TAOK3: variants seen among roughly 807,000 people sequenced by gnomAD.
TAOK3 encodes the protein serine/threonine-protein kinase TAO3.
In TAOK3, 40 loss-of-function variants were observed where a neutral mutation model predicts 120.4. The observed-to-expected ratio is 0.33, with a 90% CI of 0.26 to 0.43. The LOEUF is 0.43. TAOK3 is among the 20% of genes least tolerant of loss of function. TAOK3 has a pLI of 1.00. For missense variants in TAOK3, 821 were observed against 1,112.1 expected (o/e 0.74, Z 3.72); for synonymous variants, 355 against 387.5 (o/e 0.92, Z 0.99).
At chr12:118,217,698 A>C (rs537696911) in intron 9 of TAOK3, among the ~76,000 whole-genome samples, 2 of 148,620 alleles carry the variant, frequency 1.3e-5, no homozygotes, top group African/African-American at 5.1e-5. Flanking sequence ...ATAAAAAATA[A>C]ATTAAAAAAA....
chr12:118,254,947 A>G (rs2040917986), intron 3 of TAOK3, among the ~76,000 whole-genome samples: 1 of 151,818 alleles, frequency 6.6e-6, no homozygotes, highest in Admixed American at 6.6e-5. Context: ...TATTTTTAGT[A>G]GAGACGGGGT....
intron 19 of TAOK3, among the ~76,000 whole-genome samples, chr12:118,156,063 T>G (rs1290495945): frequency 2.0e-5 from 3 of 152,188 alleles, no homozygotes; most frequent in Non-Finnish European, 4.4e-5. Context: ...ATTGAACGCT[T>G]GTTGTATGCC....
chr12:118,195,873 A>ACC (rs1274556501), intron 13 of TAOK3, among the ~76,000 whole-genome samples: 3 of 151,888 alleles, frequency 2.0e-5, no homozygotes, highest in African/African-American at 7.3e-5. Flanking sequence ...ACACGGTGAA[A>ACC]CCCTGTCTCT....
intron 1 of TAOK3, among the ~76,000 whole-genome samples, chr12:118,361,163 C>CG (rs1555262603): frequency 5.9e-5 from 9 of 152,082 alleles, no homozygotes; most frequent in Non-Finnish European, 1.3e-4. Context: ...ATAATGCCCC[C>CG]GTACTGAATT....
At chr12:118,244,527 C>CT (rs377072006) in intron 4 of TAOK3, among the ~76,000 whole-genome samples, 51,083 of 128,496 alleles carry the variant, frequency 0.4, 11,101 homozygotes, top group South Asian at 0.46. Flanking sequence ...TTTCTTTTTT[C>CT]TTTTTCTTTT....
intron 1 of TAOK3, among the ~76,000 whole-genome samples, chr12:118,285,394 C>T (rs748338043): frequency 1.3e-5 from 2 of 150,778 alleles, no homozygotes; most frequent in Non-Finnish European, 2.9e-5. Flanking sequence ...CTCTTGTCCC[C>T]CAGGCTGGAG....
intron 1 of TAOK3, among the ~76,000 whole-genome samples, chr12:118,363,243 A>G (rs1281441154): frequency 6.6e-6 from 1 of 152,098 alleles, no homozygotes; most frequent in African/African-American, 2.4e-5. Context: ...CAGGGTCACA[A>G]GTGAATTCTT....
intron 9 of TAOK3, among the ~76,000 whole-genome samples, chr12:118,222,107 A>C (rs879329778): frequency 1.3e-5 from 2 of 152,154 alleles, no homozygotes; most frequent in Non-Finnish European, 2.9e-5. Context: ...AGTTTGATCA[A>C]GTTTCTGGAT....
intron 1 of TAOK3, among the ~76,000 whole-genome samples, chr12:118,317,351 T>C (rs2043512124): frequency 7.1e-6 from 1 of 140,250 alleles, no homozygotes; most frequent in Non-Finnish European, 1.5e-5. Context: ...CAGGCTGGAG[T>C]GCAGTGGCGC....
intron 9 of TAOK3, among the ~76,000 whole-genome samples, chr12:118,224,993 A>G (rs768846813): frequency 2.0e-5 from 3 of 152,148 alleles, no homozygotes; most frequent in Non-Finnish European, 2.9e-5. Context: ...CATGCCTGTA[A>G]TCCCAGCACT....
At chr12:118,195,451 C>T (rs2037666309) in intron 13 of TAOK3, among the ~76,000 whole-genome samples, 1 of 152,252 alleles carries the variant, frequency 6.6e-6, no homozygotes, top group South Asian at 2.1e-4. Flanking sequence ...AGGAAACAAT[C>T]TGGATTAAAA....
At chr12:118,353,596 A>G (rs2045268362) in intron 1 of TAOK3, among the ~76,000 whole-genome samples, 2 of 152,164 alleles carry the variant, frequency 1.3e-5, no homozygotes, top group Admixed American at 6.5e-5. Flanking sequence ...AAGATTCATC[A>G]TGATGAGTTG....
chr12:118,278,692 T>C (rs1368969818), intron 1 of TAOK3, among the ~76,000 whole-genome samples: 1 of 152,250 alleles, frequency 6.6e-6, no homozygotes, highest in Non-Finnish European at 1.5e-5. Context: ...ATGGTAATTC[T>C]GCTTTAAGTT....
chr12:118,232,119 A>T (rs1192564687), intron 9 of TAOK3, among the ~76,000 whole-genome samples: 1 of 152,204 alleles, frequency 6.6e-6, no homozygotes, highest in Non-Finnish European at 1.5e-5. Context: ...CATTGGCTAT[A>T]GTAAGAGTAT....
intron 11 of TAOK3, among the ~76,000 whole-genome samples, chr12:118,206,215 T>C (rs1042286783): frequency 6.6e-6 from 1 of 152,232 alleles, no homozygotes; most frequent in Non-Finnish European, 1.5e-5. Flanking sequence ...CTAAGGATGG[T>C]GAAGTAGAAA....
At chr12:118,152,055 G>A (rs1314731024) in intron 20 of TAOK3, among the ~76,000 whole-genome samples, 172 bp downstream of exon 20, 1 of 152,178 alleles carries the variant, frequency 6.6e-6, no homozygotes, top group African/African-American at 2.4e-5. Flanking sequence ...TTGGTGTTTC[G>A]GTCTGTAGAA....
chr12:118,294,025 AAAG>A (rs555287269), intron 1 of TAOK3, among the ~76,000 whole-genome samples: 58 of 152,354 alleles, frequency 3.8e-4, no homozygotes, highest in South Asian at 3.5e-3. Context: ...CAAAAAAAAA[AAAG>A]AAGAAGGCTG....
At chr12:118,167,432 A>C (rs536192749) in intron 17 of TAOK3, among the ~76,000 whole-genome samples, 45 of 152,246 alleles carry the variant, frequency 3.0e-4, no homozygotes, top group Middle Eastern at 3.4e-3. Context: ...TATGTACAAC[A>C]ATGTTCTTAT....
intron 1 of TAOK3, among the ~76,000 whole-genome samples, chr12:118,368,325 T>C (rs2045798494): frequency 6.6e-6 from 1 of 151,538 alleles, no homozygotes; most frequent in Non-Finnish European, 1.5e-5. Flanking sequence ...GCCTCCCGGG[T>C]AGCTGGAATT....
Sources: gnomAD v4.1 joint callset for allele counts (sites outside exome capture counted in the v4.1 genomes callset) on GRCh38, gnomAD v4.1.1 for gene constraint, MANE v1.5 for transcripts, NCBI Gene and HGNC (gene_info 2026-07-23, HGNC 2026-07-21) for gene names.